Variants in ERCC3 observed in about 807,000 individuals in gnomAD.
The protein encoded by ERCC3 is general transcription and DNA repair factor IIH helicase/translocase subunit XPB.
In ERCC3, 66 loss-of-function variants were observed where a neutral mutation model predicts 94.2. That is an observed-to-expected ratio of 0.70 (90% CI 0.57 to 0.86). The LOEUF (loss-of-function observed/expected upper bound fraction) is 0.86, where lower values mean the gene tolerates loss of function less well. Ranked by LOEUF, ERCC3 falls within the 40% of genes least tolerant of loss-of-function variation. The pLI, the probability that ERCC3 is intolerant of heterozygous loss-of-function variation, is 0.00. For missense variants in ERCC3, 829 were observed against 987.1 expected (o/e 0.84, Z 2.15); for synonymous variants, 349 against 369.1 (o/e 0.95, Z 0.63).
rs186827355 is a variant in ERCC3 at position 127,265,465 on chromosome 2, C to T, written c.1946-4119G>A. ...ACGGAGTCTCGCTCTGTCACCCAGG[C>T]TGGAGTGCAGAGGTGCGATCTCGGC... is the stretch of plus-strand genomic sequence containing the variant. On this transcript the variant is annotated intron_variant, in intron 12 of 14. Transcript: ENST00000285398. 3.9e-5 allele frequency among the ~76,000 whole-genome samples: 6 copies of T among 152,354 alleles called. No homozygotes were observed. The East Asian group carries it at 1.2e-3, about 29-fold the overall frequency.
intron 12 of ERCC3, chr2:127,261,677 C>A: frequency 2.9e-6 from 1 of 343,140 alleles, no homozygotes; most frequent in Non-Finnish European, 5.6e-6. Flanking sequence ...GAACAGATTA[C>A]TTCTCCAAAA....
In ERCC3 at chr2:127,275,309, C is replaced by T. The variant is rs557490589; in HGVS notation, c.1731-2348G>A. On this transcript the variant is annotated intron_variant, in intron 10 of 14. Transcript: ENST00000285398. ...CCCCCCAAAGTGCTGGGATTATAGG[C>T]ATGAGCCACTGCGCCTGGCCCGCAG... 1.2e-4 allele frequency among the ~76,000 whole-genome samples: 19 copies of T among 152,208 alleles called. No homozygotes were observed. In the South Asian group the frequency reaches 2.7e-3, roughly 22 times the overall value.
intron 10 of ERCC3, among the ~76,000 whole-genome samples, chr2:127,276,884 A>T (rs1684750152): frequency 6.6e-6 from 1 of 152,234 alleles, no homozygotes; most frequent in Non-Finnish European, 1.5e-5. Flanking sequence ...GAGAGGAAGC[A>T]AAGGGCATCA....
At chr2:127,288,920 T>C (rs948300408) in intron 6 of ERCC3, 56 bp from the exon 7 acceptor site, 4 of 1,350,380 alleles carry the variant, frequency 3.0e-6, no homozygotes, top group Non-Finnish European at 4.2e-6. Context: ...TCAAAAACAT[T>C]ACATCTTCTA....
chr2:127,290,950 C>T lies in ERCC3; in HGVS notation c.472-677G>A, dbSNP rs555733123. 28 of 153,160 alleles carry T rather than the reference C, an allele frequency of 1.8e-4. No homozygotes were observed. The East Asian group carries it at 2.1e-3, about 12-fold the overall frequency. The allele number at this position is 153,160 out of a possible 1,614,324, so 9.5% of individuals were successfully genotyped here. A position where few individuals can be genotyped will look rare whatever the true frequency, so the allele number is the denominator to read the frequency against. On this transcript the variant is annotated intron_variant, in intron 3 of 14. Transcript: ENST00000285398. Reference sequence around the variant, plus strand: ...TATAAAAATTAGCCGGGCATGGTGACGGGCGCCTATAATCCCAGCTACTTG... The same window carrying T: ...TATAAAAATTAGCCGGGCATGGTGATGGGCGCCTATAATCCCAGCTACTTG...
chr2:127,276,529 G>C (rs1684739993), intron 10 of ERCC3, among the ~76,000 whole-genome samples: 1 of 151,552 alleles, frequency 6.6e-6, no homozygotes, highest in Non-Finnish European at 1.5e-5. Flanking sequence ...CAGTTACCAG[G>C]AAAGAACTCT....
chr2:127,287,123 C>T, intron 7 of ERCC3, 106 bp from the exon 8 acceptor site: 2 of 847,152 alleles, frequency 2.4e-6, no homozygotes, highest in East Asian at 2.6e-5. Context: ...TGTCTTGTAA[C>T]AGTCCACATA....
chr2:127,278,237 C>T (rs910855300), intron 10 of ERCC3, among the ~76,000 whole-genome samples: 2 of 69,360 alleles, frequency 2.9e-5, no homozygotes, highest in African/African-American at 9.6e-5. Context: ...CACCCTAACT[C>T]CAAAAAAAAA....
rs1685259701 is a variant in ERCC3, at chr2:127,291,233, G to C, written c.472-960C>G. 6.6e-6 allele frequency among the ~76,000 whole-genome samples: 1 copy of C among 152,154 alleles called. No individual in the cohort carries two copies. The highest frequency in any genetic ancestry group is 2.4e-5 in the African/African-American group (1 of 41,442). ...AGGCAGAGCCACAGTGTTGGTACAA[G>C]GTCCTCTCCTTGGGCACGCTTTCTT... On this transcript the variant is annotated intron_variant, in intron 3 of 14. Coordinates refer to ENST00000285398, the MANE Select transcript of ERCC3 (RefSeq NM_000122.2). This position sits in a 1 kb window ranked among gnomAD's most constrained non-coding sequence, Gnocchi z 4.9.
intron 12 of ERCC3, chr2:127,262,644 C>A (rs1324551345): frequency 6.6e-6 from 1 of 152,256 alleles, no homozygotes; most frequent in Admixed American, 6.5e-5. Flanking sequence ...GGGTTGGGAA[C>A]AAGAGGAAAT....
chr2:127,294,127 CG>C lies in ERCC3; in HGVS notation c.-47del. ...GAAGATGACCCCGCTCCCACAGGCC[CG>C]CCGCGGCATCCGCTCTGGGGGGACT... On this transcript the variant is annotated 5_prime_UTR_variant, in exon 1 of 15. An upstream open reading frame in the 5' UTR loses its in-frame stop. Transcript: ENST00000285398. 6.3e-7 allele frequency: 1 copy of C among 1,597,582 alleles called. No homozygotes were observed. Among genetic ancestry groups the C allele is most frequent in the East Asian group, 2.3e-5 (1 of 44,352 alleles).
rs1684046561 is a variant in ERCC3, at chr2:127,257,475, A to G, written c.*121T>C. 6.4e-6 allele frequency: 8 copies of G among 1,244,736 alleles called. No individual in the cohort carries two copies. In the Admixed American group the frequency reaches 1.3e-4, roughly 21 times the overall value. 77.1% of individuals were successfully genotyped at this position (1,244,736 alleles called of 1,614,324 possible). ...GCCAAGCCCTTGATGCATCTTCCTC[A>G]GCACAATTTGGCCAACGCTGGAGGG... On this transcript the variant is annotated 3_prime_UTR_variant, in exon 15 of 15. Transcript: ENST00000285398. The surrounding 1 kb of genome is among the most constrained non-coding windows in gnomAD (Gnocchi z 5.4).
chr2:127,277,775 TA>T lies in ERCC3; in HGVS notation c.1730+1397del, dbSNP rs1684778564. Among the ~76,000 whole-genome samples, 1 of 152,122 alleles carries T rather than the reference TA, an allele frequency of 6.6e-6. No homozygotes were observed. Among genetic ancestry groups the T allele is most frequent in the Non-Finnish European group, 1.5e-5 (1 of 68,020 alleles). On this transcript the variant is annotated intron_variant, in intron 10 of 14. Coordinates refer to ENST00000285398, the MANE Select transcript of ERCC3 (RefSeq NM_000122.2). The surrounding 1 kb of genome is among the most constrained non-coding windows in gnomAD (Gnocchi z 5.1). ...AAAATAATGTAACTGAATATTAAAGTAACCCCCAACTTGTGCTATTCCCATA... is the reference window on the plus strand; with the variant it reads ...AAAATAATGTAACTGAATATTAAAGTACCCCCAACTTGTGCTATTCCCATA...
rs773483708 is a variant in ERCC3 at position 127,288,742 on chromosome 2, G to C, written c.945C>G (p.Val315=). The change falls in exon 7 of 15, where the codon GTC becomes GTG. Residue 315 remains valine (V), a synonymous_variant. Coordinates refer to ENST00000285398, the MANE Select transcript of ERCC3 (RefSeq NM_000122.2). ...DINIDLKPTA[V]LRPYQEKSLR... ...AGCTCTTCTCCTGATAGGGTCTGAG[G>C]ACAGCTGTGGGCTTTAGGTCAATGT... is the stretch of plus-strand genomic sequence containing the variant. 3 of 1,614,046 alleles carry C rather than the reference G, an allele frequency of 1.9e-6. No individual in the cohort carries two copies. In the African/African-American group the frequency reaches 4.0e-5, roughly 22 times the overall value.
At position 127,258,545 on chromosome 2, in the gene ERCC3, G is replaced by A. The variant is rs749212016; in HGVS notation, c.2217+751C>T. ...GGAGAGTGCCCCCTGGGTCGGGGGAGGAAAGCCTTAGGCTGGAGGGAGGGC... is the reference window on the plus strand; with the variant it reads ...GGAGAGTGCCCCCTGGGTCGGGGGAAGAAAGCCTTAGGCTGGAGGGAGGGC... On this transcript the variant is annotated intron_variant, in intron 14 of 14. Coordinates refer to ENST00000285398, the MANE Select transcript of ERCC3 (RefSeq NM_000122.2). This position sits in a 1 kb window ranked among gnomAD's most constrained non-coding sequence, Gnocchi z 4.1. 3.9e-5 allele frequency among the ~76,000 whole-genome samples: 6 copies of A among 152,284 alleles called. No homozygotes were observed. The highest frequency in any genetic ancestry group is 8.8e-5 in the Non-Finnish European group (6 of 68,012).
chr2:127,288,375 C>G (rs1395505807), intron 7 of ERCC3, among the ~76,000 whole-genome samples: 3 of 152,208 alleles, frequency 2.0e-5, no homozygotes, highest in African/African-American at 7.2e-5. Flanking sequence ...ACTCTAGCAC[C>G]ACCCAAGGTT....
intron 12 of ERCC3, among the ~76,000 whole-genome samples, chr2:127,267,933 G>T (rs1019540232): frequency 3.3e-5 from 5 of 152,002 alleles, no homozygotes; most frequent in Non-Finnish European, 5.9e-5. Context: ...AAGAGACTGG[G>T]TCTCACTATG....
At chr2:127,292,270 A>C (rs1685298225) in intron 3 of ERCC3, 1 of 422,848 alleles carries the variant, frequency 2.4e-6, no homozygotes, top group African/African-American at 2.0e-5. Flanking sequence ...CAGCACACTC[A>C]CTTTGGGCTG....
rs770568928 is a variant in ERCC3, at chr2:127,289,677, G to T, written c.657+12C>A. ...CTGCCCCCACCCAAGGGTGGCCCAG[G>T]AGTCCACATACGGCAGATTTGCTTG... On this transcript the variant is annotated intron_variant, in intron 5 of 14. Transcript: ENST00000285398. 1 of 1,614,064 alleles carries T rather than the reference G, an allele frequency of 6.2e-7. No homozygotes were observed. The highest frequency in any genetic ancestry group is 1.7e-5 in the Admixed American group (1 of 60,026).
Sources: gnomAD v4.1 joint callset for allele counts (sites outside exome capture counted in the v4.1 genomes callset) on GRCh38, gnomAD v4.1.1 for gene constraint, Gnocchi (gnomAD v3.1) non-coding constraint, MANE v1.5 for transcripts, NCBI Gene and HGNC (gene_info 2026-07-23, HGNC 2026-07-21) for gene names.